Variants in CTNNA3 observed in about 807,000 individuals in gnomAD.
CTNNA3 encodes the protein catenin alpha-3.
In CTNNA3, 76 loss-of-function variants were observed where a neutral mutation model predicts 95.7. The observed-to-expected ratio is 0.79, with a 90% CI of 0.66 to 0.96. The LOEUF is 0.96. Ranked by LOEUF, CTNNA3 falls within the 40% of genes least tolerant of loss-of-function variation. The probability of loss-of-function intolerance (pLI) is 0.00; values close to 1 mark genes in which losing one functional copy is unlikely to be tolerated. For missense variants in CTNNA3, 1,191 were observed against 1,089.8 expected, an observed-to-expected ratio of 1.09 and a Z score of -1.31; for synonymous variants, 431 against 374.4, an observed-to-expected ratio of 1.15 and a Z score of -1.74.
chr10:67,713,139 T>G (rs1429572447), intron 1 of CTNNA3, among the ~76,000 whole-genome samples: 1 of 152,210 alleles, frequency 6.6e-6, no homozygotes, highest in East Asian at 1.9e-4. Context: ...GAACAGACAC[T>G]TCTCAAAAGA....
intron 11 of CTNNA3, among the ~76,000 whole-genome samples, chr10:66,396,428 T>G (rs1007291625): frequency 2.0e-5 from 3 of 152,036 alleles, no homozygotes; most frequent in African/African-American, 7.2e-5. Context: ...AATAACTTAG[T>G]ACAATTTTCA....
rs551039582 is a variant in CTNNA3, at chr10:67,740,836, G to A, written c.-2+22598C>T. Among the ~76,000 whole-genome samples the A allele has an allele frequency of 8.6e-5, 13 of 151,452 alleles. 1 individual carries two copies. In the South Asian group the frequency reaches 2.8e-3, roughly 32 times the overall value. ...AAATATCCAAAGGACTATAAATCAT[G>A]CTGCTATAAAGACACATGCACACGT... On this transcript the variant is annotated intron_variant, in intron 1 of 17. Transcript: ENST00000684154.
intron 1 of CTNNA3, among the ~76,000 whole-genome samples, chr10:67,685,457 C>A (rs1840712520): frequency 6.6e-6 from 1 of 152,350 alleles, no homozygotes; most frequent in South Asian, 2.1e-4. Context: ...CCAGGAGGAA[C>A]CATCTATCGT....
chr10:66,016,372 CAGGGAAGAAAGA>C (rs78124229), intron 15 of CTNNA3, among the ~76,000 whole-genome samples: 22,731 of 152,140 alleles, frequency 0.15, 2,185 homozygotes, highest in Non-Finnish European at 0.22. Flanking sequence ...TTCAATCCAA[CAGGGAAGAAAGA>C]CGATTCTTCC....
At chr10:66,850,513 T>C (rs1208478811) in intron 7 of CTNNA3, among the ~76,000 whole-genome samples, 1 of 152,182 alleles carries the variant, frequency 6.6e-6, no homozygotes, top group Admixed American at 6.6e-5. Flanking sequence ...CATGCTAGGA[T>C]GTGTTTTGTT....
chr10:66,461,369 A>G (rs2093528026), intron 11 of CTNNA3, among the ~76,000 whole-genome samples: 1 of 152,172 alleles, frequency 6.6e-6, no homozygotes, highest in African/African-American at 2.4e-5. Context: ...CATGCAGCAT[A>G]TTATTTTAAA....
intron 11 of CTNNA3, among the ~76,000 whole-genome samples, chr10:66,513,342 G>T (rs1286827065): frequency 2.0e-5 from 3 of 152,054 alleles, no homozygotes; most frequent in Non-Finnish European, 2.9e-5. Flanking sequence ...CAGTACTGTA[G>T]TCACCATATG....
At chr10:66,831,538 C>G (rs955152395) in intron 7 of CTNNA3, among the ~76,000 whole-genome samples, 3 of 152,192 alleles carry the variant, frequency 2.0e-5, no homozygotes, top group Admixed American at 1.3e-4. Context: ...ACTGAGCTGT[C>G]TCTCTACCAG....
At chr10:67,023,183 A>G (rs961330672) in intron 7 of CTNNA3, among the ~76,000 whole-genome samples, 1 of 152,178 alleles carries the variant, frequency 6.6e-6, no homozygotes, top group African/African-American at 2.4e-5. Flanking sequence ...CAGAACAGTC[A>G]AATAAAGGAA....
At chr10:66,752,632 T>C (rs4274126) in intron 9 of CTNNA3, among the ~76,000 whole-genome samples, 71,249 of 151,838 alleles carry the variant, frequency 0.47, 17,467 homozygotes, top group Admixed American at 0.54. Flanking sequence ...CTGAAGAGAT[T>C]AGAAAAACAA....
intron 10 of CTNNA3, among the ~76,000 whole-genome samples, chr10:66,612,116 C>T (rs1449463492): frequency 6.6e-6 from 1 of 152,106 alleles, no homozygotes; most frequent in African/African-American, 2.4e-5. Context: ...ACCTCAAATT[C>T]ATTCCCTTTC....
chr10:67,018,014 T>C (rs1852769371), intron 7 of CTNNA3, among the ~76,000 whole-genome samples: 1 of 152,096 alleles, frequency 6.6e-6, no homozygotes, highest in African/African-American at 2.4e-5. Flanking sequence ...TCAAGTGATC[T>C]GCCCACCTTG....
intron 3 of CTNNA3, among the ~76,000 whole-genome samples, chr10:67,550,563 T>C (rs940501147): frequency 6.6e-6 from 1 of 151,750 alleles, no homozygotes; most frequent in African/African-American, 2.4e-5. Flanking sequence ...ATAAAGAAAT[T>C]ATTTAAAGAA....
intron 12 of CTNNA3, among the ~76,000 whole-genome samples, chr10:66,355,894 G>A (rs574927950): frequency 5.6e-5 from 2 of 35,684 alleles, no homozygotes; most frequent in East Asian, 2.3e-3. Flanking sequence ...CATAAGTTGA[G>A]GTTCAATGTC....
intron 12 of CTNNA3, among the ~76,000 whole-genome samples, chr10:66,364,248 A>T (rs895990839): frequency 6.6e-6 from 1 of 151,708 alleles, no homozygotes. Flanking sequence ...ATCATTTAAA[A>T]TATGGACAAA....
intron 13 of CTNNA3, among the ~76,000 whole-genome samples, chr10:66,184,996 G>T (rs548724704): frequency 6.6e-6 from 1 of 152,092 alleles, no homozygotes; most frequent in African/African-American, 2.4e-5. Context: ...TTTTTGTACG[G>T]CCTTGCTCTA....
intron 5 of CTNNA3, among the ~76,000 whole-genome samples, chr10:67,373,111 T>C (rs6480258): frequency 0.79 from 120,828 of 152,032 alleles, 50,438 homozygotes; most frequent in Non-Finnish European, 0.92. Flanking sequence ...GACAGGATGA[T>C]TCACACATAA....
chr10:66,080,388 T>A (rs1015384007), intron 14 of CTNNA3, among the ~76,000 whole-genome samples: 5 of 152,176 alleles, frequency 3.3e-5, no homozygotes, highest in Non-Finnish European at 7.4e-5. Flanking sequence ...CCCAACATTG[T>A]AAAATTCTTC....
chr10:67,224,458 T>C (rs557308882), intron 5 of CTNNA3, among the ~76,000 whole-genome samples: 73 of 152,322 alleles, frequency 4.8e-4, no homozygotes, highest in African/African-American at 1.7e-3. Flanking sequence ...GTAGAAGTTA[T>C]CCCTATGAGG....
Sources: allele counts gnomAD v4.1 joint callset (sites outside exome capture counted in the v4.1 genomes callset), GRCh38; gene constraint gnomAD v4.1.1; transcripts MANE v1.5; gene names NCBI Gene and HGNC (gene_info 2026-07-23, HGNC 2026-07-21).